ADD3: variants seen among roughly 807,000 people sequenced by gnomAD.
ADD3 encodes the protein gamma-adducin.
A neutral mutation model predicts 80.2 loss-of-function variants in ADD3; 25 were observed. That is an observed-to-expected ratio of 0.31 (90% CI 0.23 to 0.44). The LOEUF (loss-of-function observed/expected upper bound fraction) is 0.44, where lower values mean the gene tolerates loss of function less well. Ranked by LOEUF, ADD3 falls within the 20% of genes least tolerant of loss-of-function variation. The pLI, the probability that ADD3 is intolerant of heterozygous loss-of-function variation, is 1.00. For missense variants in ADD3, 829 were observed against 847.5 expected (o/e 0.98, Z 0.27); for synonymous variants, 284 against 289.6 (o/e 0.98, Z 0.20).
At chr10:110,037,185 A>G (rs947673792) in intron 1 of ADD3, among the ~76,000 whole-genome samples, 9 of 152,240 alleles carry the variant, frequency 5.9e-5, no homozygotes, top group Admixed American at 1.3e-4. Flanking sequence ...CTAAAGTTTT[A>G]CAGCCAGTTA....
rs770803143 is a variant in ADD3 at position 110,119,204 on chromosome 10, C to A, written c.718-7C>A. Reference sequence around the variant, plus strand: ...TGTGTTATCTTGGTATGGGCCAAACCAAATAGGTATCCTCCATGAAATGTG... The same window carrying A: ...TGTGTTATCTTGGTATGGGCCAAACAAAATAGGTATCCTCCATGAAATGTG... On this transcript the variant is annotated splice_region_variant and splice_polypyrimidine_tract_variant and intron_variant, in intron 6 of 14. Coordinates refer to ENST00000356080, the MANE Select transcript of ADD3 (RefSeq NM_016824.5). 3 of 1,613,688 alleles carry A rather than the reference C, an allele frequency of 1.9e-6. No individual in the cohort carries two copies. The Admixed American group carries it at 5.0e-5, about 27-fold the overall frequency.
At chr10:110,008,955 G>A (rs1361346995) in intron 1 of ADD3, among the ~76,000 whole-genome samples, 1 of 152,152 alleles carries the variant, frequency 6.6e-6, no homozygotes, top group East Asian at 1.9e-4. Flanking sequence ...GTGTGCTGGT[G>A]TTTGGGGCAC....
intron 1 of ADD3, among the ~76,000 whole-genome samples, chr10:110,071,324 T>C (rs1844682758): frequency 6.6e-6 from 1 of 152,184 alleles, no homozygotes; most frequent in Non-Finnish European, 1.5e-5. Flanking sequence ...AAAGGCTCTT[T>C]AGGTTTGCTA....
intron 9 of ADD3, 80 bp downstream of exon 9, chr10:110,122,372 G>A (rs2134153987): frequency 7.8e-7 from 1 of 1,280,898 alleles, no homozygotes; most frequent in Admixed American, 2.1e-5. Context: ...TGTAGAACAT[G>A]CTCCATACTC....
At chr10:110,026,374 C>T (rs954577932) in intron 1 of ADD3, among the ~76,000 whole-genome samples, 5 of 151,328 alleles carry the variant, frequency 3.3e-5, no homozygotes, top group Non-Finnish European at 7.4e-5. Context: ...CTCAGCCTCC[C>T]GGTTCAAGCA....
intron 12 of ADD3, among the ~76,000 whole-genome samples, chr10:110,129,345 C>T (rs2134223162): frequency 6.6e-6 from 1 of 152,136 alleles, no homozygotes; most frequent in Non-Finnish European, 1.5e-5. Context: ...GGCAGGGTTT[C>T]TCCATGTTGG....
chr10:110,105,720 C>T (rs116692212), intron 2 of ADD3, among the ~76,000 whole-genome samples: 5 of 152,018 alleles, frequency 3.3e-5, no homozygotes, highest in South Asian at 2.1e-4. Context: ...TATTTTGATG[C>T]GAGGAGAAAC....
At chr10:110,046,726 G>A (rs1168986852) in intron 1 of ADD3, among the ~76,000 whole-genome samples, 3 of 152,078 alleles carry the variant, frequency 2.0e-5, no homozygotes, top group Non-Finnish European at 4.4e-5. Context: ...CTAAGGTAGT[G>A]GTGAGTATTA....
chr10:110,019,634 G>C (rs1037352003), intron 1 of ADD3, among the ~76,000 whole-genome samples: 4 of 152,164 alleles, frequency 2.6e-5, no homozygotes, highest in Admixed American at 2.6e-4. Context: ...GATTACAGGC[G>C]TGAGCCACTG....
chr10:110,044,096 G>T (rs912153505), intron 1 of ADD3, among the ~76,000 whole-genome samples: 4 of 152,116 alleles, frequency 2.6e-5, no homozygotes, highest in Non-Finnish European at 4.4e-5. Flanking sequence ...CCAGCTACTC[G>T]GGAGGCTGAG....
intron 1 of ADD3, among the ~76,000 whole-genome samples, chr10:110,070,061 ATT>A (rs1564923954): frequency 6.6e-6 from 1 of 152,162 alleles, no homozygotes; most frequent in African/African-American, 2.4e-5. Context: ...TAAAACATAT[ATT>A]GTCTTTTTTT....
intron 1 of ADD3, among the ~76,000 whole-genome samples, chr10:110,093,826 G>GGT (rs969892070): frequency 1.3e-5 from 2 of 151,768 alleles, no homozygotes; most frequent in African/African-American, 2.4e-5. Flanking sequence ...ATGGTGTGTG[G>GGT]GTGTGTGTGT....
intron 1 of ADD3, among the ~76,000 whole-genome samples, chr10:110,042,094 T>C (rs1348903912): frequency 6.6e-6 from 1 of 152,244 alleles, no homozygotes; most frequent in Non-Finnish European, 1.5e-5. Context: ...GAGAAGCATA[T>C]TTCTTTGGAA....
chr10:110,111,322 A>C (rs933598058), intron 2 of ADD3, among the ~76,000 whole-genome samples: 3 of 152,220 alleles, frequency 2.0e-5, no homozygotes, highest in Non-Finnish European at 4.4e-5. Context: ...TGTTGCAAGA[A>C]CCTTCATCTT....
rs946990418 is a variant in ADD3 at position 110,044,892 on chromosome 10, TGCTATGTGCATTTG to T, written c.-30+36608_-30+36621del. Among the ~76,000 whole-genome samples the T allele has an allele frequency of 1.3e-4, 20 of 152,364 alleles. No homozygotes were observed. The East Asian group carries it at 1.7e-3, about 13-fold the overall frequency. On this transcript the variant is annotated intron_variant, in intron 1 of 14. Transcript: ENST00000356080. ...TGCATAGTCAGTCCTCAAAATAGAT[TGCTATGTGCATTTG>T]GCTATGTGCATTTGAATTTTGACTA...
chr10:110,058,509 A>G (rs1381625800), intron 1 of ADD3, among the ~76,000 whole-genome samples: 3 of 152,302 alleles, frequency 2.0e-5, no homozygotes, highest in East Asian at 3.9e-4. Flanking sequence ...AGTTAGCTCC[A>G]TTCTTTGTGT....
intron 2 of ADD3, among the ~76,000 whole-genome samples, chr10:110,102,478 G>A (rs1391314310): frequency 6.6e-6 from 1 of 152,092 alleles, no homozygotes; most frequent in Non-Finnish European, 1.5e-5. Context: ...GCGTGGTGGT[G>A]TGAGTCCGTA....
At chr10:110,115,470 A>G (rs533401362) in intron 3 of ADD3, among the ~76,000 whole-genome samples, 88 of 152,320 alleles carry the variant, frequency 5.8e-4, no homozygotes, top group African/African-American at 2.0e-3. Flanking sequence ...AGTCGTCTAC[A>G]CAAAAATAAC....
chr10:110,079,980 A>G (rs1197560344), intron 1 of ADD3, among the ~76,000 whole-genome samples: 1 of 152,166 alleles, frequency 6.6e-6, no homozygotes, highest in African/African-American at 2.4e-5. Context: ...TACTTATGCT[A>G]TCAGTCTTCT....
Sources: allele counts gnomAD v4.1 joint callset (sites outside exome capture counted in the v4.1 genomes callset), GRCh38; gene constraint gnomAD v4.1.1; transcripts MANE v1.5; gene names NCBI Gene and HGNC (gene_info 2026-07-23, HGNC 2026-07-21).